The following DIP2C variants were observed in gnomAD, a reference collection of about 807,000 sequenced individuals.
The protein encoded by DIP2C is disco-interacting protein 2 homolog C.
DIP2C carries 33 observed loss-of-function variants against 192.4 expected under a neutral mutation model. That is an observed-to-expected ratio of 0.17 (90% CI 0.13 to 0.23). The LOEUF (loss-of-function observed/expected upper bound fraction) is 0.23. Among genes scored for constraint, DIP2C ranks in the 10% least tolerant of loss-of-function variants. The probability of loss-of-function intolerance (pLI) is 1.00; values close to 1 mark genes in which losing one functional copy is unlikely to be tolerated. For missense variants in DIP2C, 1,537 were observed against 2,110.1 expected (o/e 0.73, Z 5.32); for synonymous variants, 979 against 864.1 (o/e 1.13, Z -2.33).
chr10:332,614 CATT>C (rs1355493963), intron 29 of DIP2C, among the ~76,000 whole-genome samples: 13 of 152,346 alleles, frequency 8.5e-5, no homozygotes, highest in Non-Finnish European at 1.9e-4. Context: ...ATTCTCAAGA[CATT>C]ATTCTCTGAG....
At chr10:408,471 T>C (rs988129060) in intron 9 of DIP2C, among the ~76,000 whole-genome samples, 6 of 152,226 alleles carry the variant, frequency 3.9e-5, no homozygotes, top group African/African-American at 1.4e-4. Flanking sequence ...CTGCAATCTG[T>C]TGAACATGCC....
chr10:548,209 C>CCCCCT (rs1848395171), intron 1 of DIP2C, among the ~76,000 whole-genome samples: 1 of 34,902 alleles, frequency 2.9e-5, no homozygotes, highest in Non-Finnish European at 5.9e-5. Context: ...GTCTGCCCCA[C>CCCCCT]CCCCCCCCCC....
intron 1 of DIP2C, among the ~76,000 whole-genome samples, chr10:660,847 C>T (rs917865001): frequency 1.3e-5 from 2 of 152,126 alleles, no homozygotes; most frequent in Non-Finnish European, 2.9e-5. Context: ...GAAGCGTGGC[C>T]GAGAGCTCCT....
At chr10:309,332 A>C (rs1006161463) in intron 32 of DIP2C, among the ~76,000 whole-genome samples, 2 of 152,074 alleles carry the variant, frequency 1.3e-5, no homozygotes, top group African/African-American at 4.8e-5. Flanking sequence ...GGCCACATAG[A>C]GAAGGTAACC....
chr10:583,625 C>T (rs1478399985), intron 1 of DIP2C, among the ~76,000 whole-genome samples: 1 of 152,208 alleles, frequency 6.6e-6, no homozygotes, highest in Non-Finnish European at 1.5e-5. Flanking sequence ...GGGCTGCTCC[C>T]GAGACTGTGC....
intron 9 of DIP2C, 112 bp downstream of exon 9, chr10:408,814 C>T: frequency 1.0e-6 from 1 of 1,003,552 alleles, no homozygotes; most frequent in Admixed American, 2.6e-5. Context: ...TAAAAACTTG[C>T]TTTCCAATAG....
chr10:671,476 G>C (rs1830636874), intron 1 of DIP2C, among the ~76,000 whole-genome samples: 1 of 121,990 alleles, frequency 8.2e-6, no homozygotes, highest in African/African-American at 3.2e-5. Context: ...CACGGACGGA[G>C]GAAACGCCAC....
intron 1 of DIP2C, among the ~76,000 whole-genome samples, chr10:492,898 C>A (rs1014621794): frequency 1.3e-5 from 2 of 152,186 alleles, no homozygotes; most frequent in African/African-American, 2.4e-5. Context: ...TTCACACCAC[C>A]GCAGTGGTCT....
intron 24 of DIP2C, among the ~76,000 whole-genome samples, chr10:355,060 G>C (rs1959010768): frequency 1.3e-5 from 2 of 152,100 alleles, no homozygotes; most frequent in Non-Finnish European, 2.9e-5. Context: ...GGGCATTTCA[G>C]ATACAGGGAC....
rs865873459 is a variant in DIP2C, at chr10:659,413, A to T, written c.85+30081T>A. On this transcript the variant is annotated intron_variant, in intron 1 of 36. Coordinates refer to ENST00000280886, the MANE Select transcript of DIP2C (RefSeq NM_014974.3). ...ACATACATATATACACCCCTCAAAG[A>T]CCCCATTATTCAATTCTATACAAAA... Among the ~76,000 whole-genome samples the T allele has an allele frequency of 1.4e-4, 21 of 152,214 alleles. No individual in the cohort carries two copies. In the Middle Eastern group the frequency reaches 0.01, roughly 74 times the overall value.
rs376772435 is a variant in DIP2C at position 585,167 on chromosome 10, C to A, written c.86-98637G>T. 7.9e-4 allele frequency among the ~76,000 whole-genome samples: 120 copies of A among 152,334 alleles called. 1 individual carries two copies. The South Asian group carries it at 0.023, about 30-fold the overall frequency. Reference sequence around the variant, plus strand: ...TTCCCTCAACACAAAACAAGCTTGACCTCTATGAGCCCGGAGAACACCGAC... The same window carrying A: ...TTCCCTCAACACAAAACAAGCTTGAACTCTATGAGCCCGGAGAACACCGAC... On this transcript the variant is annotated intron_variant, in intron 1 of 36. Coordinates refer to ENST00000280886, the MANE Select transcript of DIP2C (RefSeq NM_014974.3).
intron 1 of DIP2C, among the ~76,000 whole-genome samples, chr10:671,414 C>T (rs1365879264): frequency 2.9e-5 from 4 of 140,226 alleles, no homozygotes; most frequent in Non-Finnish European, 4.6e-5. Flanking sequence ...CACAGACGCA[C>T]GGACGGAGGA....
intron 1 of DIP2C, among the ~76,000 whole-genome samples, chr10:594,174 A>G (rs960527930): frequency 1.3e-5 from 2 of 152,214 alleles, no homozygotes; most frequent in African/African-American, 2.4e-5. Flanking sequence ...ACGGCCAGAC[A>G]TGGACCCAGG....
chr10:539,703 G>T (rs1424441881), intron 1 of DIP2C, among the ~76,000 whole-genome samples: 8 of 152,322 alleles, frequency 5.3e-5, no homozygotes, highest in African/African-American at 4.8e-5. Flanking sequence ...TTTGTCCACT[G>T]ATCTAACTAG....
intron 1 of DIP2C, among the ~76,000 whole-genome samples, chr10:619,541 G>GCCCGCCCT: frequency 5.3e-4 from 36 of 67,962 alleles, no homozygotes; most frequent in East Asian, 2.3e-3. Flanking sequence ...CCGCCCGCCC[G>GCCCGCCCT]CCCTCCCACC....
chr10:473,913 T>G (rs1269936309), intron 2 of DIP2C, among the ~76,000 whole-genome samples: 1 of 152,206 alleles, frequency 6.6e-6, no homozygotes, highest in Non-Finnish European at 1.5e-5. Context: ...GGTGCGTGTG[T>G]GGGTCTCATG....
intron 1 of DIP2C, among the ~76,000 whole-genome samples, chr10:603,299 A>C (rs1272348462): frequency 3.2e-4 from 5 of 15,582 alleles, no homozygotes; most frequent in African/African-American, 2.6e-4. Flanking sequence ...ACTCCATCTC[A>C]AAAAAAAAAA....
intron 1 of DIP2C, among the ~76,000 whole-genome samples, chr10:552,816 T>G (rs1209553973): frequency 6.6e-6 from 1 of 152,098 alleles, no homozygotes; most frequent in African/African-American, 2.4e-5. Context: ...GTCACTGCAC[T>G]CCAGCCTGGG....
intron 13 of DIP2C, among the ~76,000 whole-genome samples, chr10:388,404 C>G (rs1253037986): frequency 6.6e-6 from 1 of 152,218 alleles, no homozygotes; most frequent in African/African-American, 2.4e-5. Context: ...CTAGCTTTCT[C>G]CCGAAGTCAC....
Sources: allele counts gnomAD v4.1 joint callset (sites outside exome capture counted in the v4.1 genomes callset), GRCh38; gene constraint gnomAD v4.1.1; transcripts MANE v1.5; gene names NCBI Gene and HGNC (gene_info 2026-07-23, HGNC 2026-07-21).